Variants in COL15A1 observed in about 807,000 individuals in gnomAD.
COL15A1 encodes the protein collagen type XV alpha 1 chain, also known as collagen alpha-1(XV) chain.
A neutral mutation model predicts 165.9 loss-of-function variants in COL15A1; 111 were observed. That is an observed-to-expected ratio of 0.67 (90% confidence interval 0.57 to 0.78). COL15A1 has a LOEUF of 0.78. Ranked by LOEUF, COL15A1 falls within the 30% of genes least tolerant of loss-of-function variation. The probability of loss-of-function intolerance (pLI) is 0.00; values close to 1 mark genes in which losing one functional copy is unlikely to be tolerated. For synonymous variants in COL15A1, 659 were observed against 674.8 expected (o/e 0.98, Z 0.36); for missense variants, 1,745 against 1,789.7 (o/e 0.98, Z 0.45).
In COL15A1 at chr9:99,043,729, C is replaced by G. The variant is rs566125391; in HGVS notation, c.2575-839C>G. The stretch of plus-strand genomic sequence containing the variant: ...TCCCAGCCCCATTGAAAAGAGACTT[C>G]TGTGTGGCTCAGCCCTGCTCCCCAG... On this transcript the variant is annotated intron_variant, in intron 24 of 41. Coordinates refer to ENST00000375001, the MANE Select transcript of COL15A1 (RefSeq NM_001855.5). Among the ~76,000 whole-genome samples the G allele has an allele frequency of 3.6e-4, 55 of 152,288 alleles. 2 individuals are homozygous for G. The South Asian group carries it at 0.011, about 31-fold the overall frequency.
intron 9 of COL15A1, among the ~76,000 whole-genome samples, chr9:99,007,115 T>C (rs1838776194): frequency 6.6e-6 from 1 of 152,142 alleles, no homozygotes; most frequent in Admixed American, 6.5e-5. Context: ...ATGTCATAGG[T>C]AGATAAGAGA....
rs184659894 is a variant in COL15A1, at chr9:99,070,336, A to C, written c.*450A>C. The stretch of plus-strand genomic sequence containing the variant: ...TCAAATGCTTTTTTCTTTCACGTAC[A>C]TCCATCATTTGCAACTGCTGTTCGT... On this transcript the variant is annotated 3_prime_UTR_variant, in exon 42 of 42. Coordinates refer to ENST00000375001, the MANE Select transcript of COL15A1 (RefSeq NM_001855.5). The C allele has an allele frequency of 1.2e-4, 28 of 239,660 alleles. No individual in the cohort carries two copies. The Admixed American group carries it at 1.6e-3, about 13-fold the overall frequency. 14.8% of individuals were successfully genotyped at this position (239,660 alleles called of 1,614,324 possible).
intron 20 of COL15A1, 35 bp downstream of exon 20, chr9:99,036,240 C>A: frequency 6.2e-7 from 1 of 1,613,472 alleles, no homozygotes; most frequent in Non-Finnish European, 8.5e-7. Context: ...GGTGGGAGGG[C>A]TTTCCAGCCT....
chr9:99,053,493 A>C (rs1825660247), intron 31 of COL15A1, among the ~76,000 whole-genome samples: 1 of 152,206 alleles, frequency 6.6e-6, no homozygotes, highest in African/African-American at 2.4e-5. Context: ...GGGGGAGGGA[A>C]CAGATCTTTC....
intron 6 of COL15A1, among the ~76,000 whole-genome samples, chr9:98,999,108 G>A (rs1203880308): frequency 1.3e-5 from 2 of 152,232 alleles, no homozygotes; most frequent in South Asian, 4.1e-4. Flanking sequence ...TCCATCACAG[G>A]ATGGGACAGG....
chr9:99,069,656 A>G lies in COL15A1; in HGVS notation c.3954-17A>G, dbSNP rs1443778295. On this transcript the variant is annotated splice_polypyrimidine_tract_variant and intron_variant, in intron 41 of 41. Coordinates refer to ENST00000375001, the MANE Select transcript of COL15A1 (RefSeq NM_001855.5). ...AAGTGTCATTTTGAAAAATAACATG[A>G]CAAAATTACTTTATAGGCCCCAGAA... is the stretch of plus-strand genomic sequence containing the variant. 5.0e-6 allele frequency: 8 copies of G among 1,584,316 alleles called. No individual in the cohort carries two copies. The highest frequency in any genetic ancestry group is 1.8e-5 in the Admixed American group (1 of 56,718).
At chr9:98,963,947 A>G (rs1837907091) in intron 2 of COL15A1, among the ~76,000 whole-genome samples, 1 of 152,272 alleles carries the variant, frequency 6.6e-6, no homozygotes, top group Non-Finnish European at 1.5e-5. Flanking sequence ...ATGAATGAAC[A>G]AAATGGACAG....
At chr9:99,067,135 T>G in intron 40 of COL15A1, 68 bp downstream of exon 40, 1 of 1,340,870 alleles carries the variant, frequency 7.5e-7, no homozygotes, top group Non-Finnish European at 1.0e-6. Flanking sequence ...GAGGCAGTTT[T>G]CATTCCTGAC....
intron 26 of COL15A1, among the ~76,000 whole-genome samples, chr9:99,045,942 G>A (rs376829841): frequency 3.6e-4 from 55 of 152,316 alleles, no homozygotes; most frequent in African/African-American, 1.3e-3. Flanking sequence ...TGTAACTTTC[G>A]AGGTGAATCC....
intron 16 of COL15A1, among the ~76,000 whole-genome samples, chr9:99,033,198 G>A (rs1280719996): frequency 3.9e-5 from 6 of 152,232 alleles, no homozygotes; most frequent in Non-Finnish European, 8.8e-5. Context: ...GCAGGGTTCA[G>A]GAAGGGGATG....
intron 4 of COL15A1, among the ~76,000 whole-genome samples, chr9:98,988,603 G>T (rs1352762023): frequency 4.6e-5 from 7 of 152,166 alleles, no homozygotes; most frequent in African/African-American, 1.7e-4. Flanking sequence ...TATTCTGTTA[G>T]AGCAATAAAA....
chr9:98,994,871 G>A (rs1376202686), intron 5 of COL15A1, among the ~76,000 whole-genome samples: 1 of 152,058 alleles, frequency 6.6e-6, no homozygotes, highest in Non-Finnish European at 1.5e-5. Flanking sequence ...CACTCCTGAG[G>A]GTCAATTCAC....
At chr9:99,042,202 T>G (rs1839417933) in intron 24 of COL15A1, 95 bp downstream of exon 24, 1 of 857,646 alleles carries the variant, frequency 1.2e-6, no homozygotes, top group Non-Finnish European at 1.9e-6. Flanking sequence ...TTCTCTTCTT[T>G]GAGATACAAT....
Position 99,059,937 on chromosome 9 carries a change from C to T in COL15A1, c.3386C>T (p.Pro1129Leu). The change falls in exon 36 of 42, where the codon CCC (proline) becomes CTC (leucine). Residue 1129 changes from proline (P) to leucine (L), a missense_variant. Transcript: ENST00000375001. ...GGCCCTCCAGGACAGCCAGGGCTTC[C>T]CGGATCCAGAAACCTGGTCAGTATT... ...PPGPPGQPGL[P>L]GSRNLVTAFS... 1 of 1,614,032 alleles carries T rather than the reference C, an allele frequency of 6.2e-7. No individual in the cohort carries two copies. Among genetic ancestry groups the T allele is most frequent in the Non-Finnish European group, 8.5e-7 (1 of 1,179,950 alleles).
chr9:99,009,411 G>T (rs1029186977), intron 9 of COL15A1, among the ~76,000 whole-genome samples: 1 of 152,052 alleles, frequency 6.6e-6, no homozygotes, highest in African/African-American at 2.4e-5. Context: ...ATCCAAAGAA[G>T]GTTAAACACT....
At chr9:99,067,112 G>C in intron 40 of COL15A1, 45 bp downstream of exon 40, 2 of 1,531,764 alleles carry the variant, frequency 1.3e-6, no homozygotes, top group Non-Finnish European at 1.8e-6. Context: ...TGCATTGGTC[G>C]CTACAGGGCC....
At chr9:99,056,453 T>C in intron 35 of COL15A1, 49 bp downstream of exon 35, 11 of 1,537,376 alleles carry the variant, frequency 7.2e-6, no homozygotes, top group Non-Finnish European at 9.6e-6. Context: ...TACCATTGTG[T>C]TCAAGGTCAC....
intron 2 of COL15A1, among the ~76,000 whole-genome samples, chr9:98,985,304 G>C (rs1442501155): frequency 6.6e-6 from 1 of 152,176 alleles, no homozygotes; most frequent in Non-Finnish European, 1.5e-5. Context: ...TTGAGTGCCT[G>C]GTGAGTATTA....
At chr9:98,996,806 G>C in intron 5 of COL15A1, 128 bp from the exon 6 acceptor site, 1 of 1,389,944 alleles carries the variant, frequency 7.2e-7, no homozygotes, top group Admixed American at 2.1e-5. Context: ...CACCAAGTGG[G>C]GCCAAGCTTT....
Sources: gnomAD v4.1 joint callset for allele counts (sites outside exome capture counted in the v4.1 genomes callset) on GRCh38, gnomAD v4.1.1 for gene constraint, MANE v1.5 for transcripts, NCBI Gene and HGNC (gene_info 2026-07-23, HGNC 2026-07-21) for gene names.